The following RANBP17 variants were observed in gnomAD, a reference collection of about 807,000 sequenced individuals.
RANBP17 encodes the protein ran-binding protein 17.
RANBP17 carries 158 observed loss-of-function variants against 141.2 expected under a neutral mutation model. The observed-to-expected ratio is 1.12, with a 90% confidence interval of 0.98 to 1.28. The LOEUF (loss-of-function observed/expected upper bound fraction) is 1.28. Ranked by LOEUF, RANBP17 falls within the 50% of genes most tolerant of loss-of-function variation. The pLI, the probability that RANBP17 is intolerant of heterozygous loss-of-function variation, is 0.00. For missense variants in RANBP17, 1,438 were observed against 1,290.7 expected, an observed-to-expected ratio of 1.11 and a Z score of -1.75; for synonymous variants, 430 against 450.0, an observed-to-expected ratio of 0.96 and a Z score of 0.56.
intron 14 of RANBP17, among the ~76,000 whole-genome samples, chr5:171,002,580 G>A (rs569650820): frequency 1.3e-5 from 2 of 152,258 alleles, no homozygotes; most frequent in South Asian, 4.2e-4. Flanking sequence ...CATATTTAGA[G>A]TCAGTATAAA....
rs538892909 is a variant in RANBP17 at position 171,069,905 on chromosome 5, T to A, written c.1711-100225T>A. On this transcript the variant is annotated intron_variant, in intron 14 of 27. Transcript: ENST00000523189. ...CATAGGTAGGTTTGCTGTAGTGCTG[T>A]TGAAATCTAACCTTCTAAAAACGGT... Among the ~76,000 whole-genome samples the A allele has an allele frequency of 3.3e-5, 5 of 152,318 alleles. No homozygotes were observed. The South Asian group carries it at 8.3e-4, about 25-fold the overall frequency.
At chr5:171,195,328 C>A (rs1041524048) in intron 18 of RANBP17, among the ~76,000 whole-genome samples, 4 of 151,964 alleles carry the variant, frequency 2.6e-5, no homozygotes, top group Non-Finnish European at 5.9e-5. Context: ...CCTTTTGCAC[C>A]AGAAATAGTA....
At chr5:171,249,745 C>G (rs912869163) in intron 24 of RANBP17, among the ~76,000 whole-genome samples, 17 of 152,028 alleles carry the variant, frequency 1.1e-4, no homozygotes, top group Non-Finnish European at 2.9e-5. Flanking sequence ...AAAGAATGAA[C>G]CAAGCCTTCA....
rs756014763 is a variant in RANBP17 at position 170,924,511 on chromosome 5, C to A, written c.1429C>A (p.Pro477Thr). ...ACAGAATTACCAAAAACTTCTGCAT[C>A]CATATTCTGGTGTAACTGTGGACAT... ...NAQNYQKLLH[P>T]YSGVTVDITI... The change falls in exon 12 of 28, where the codon CCA becomes ACA. Residue 477 changes from proline (P) to threonine (T), a missense_variant. By Grantham distance (38) the Pro-to-Thr change is conservative (BLOSUM62 -1). Transcript: ENST00000523189. 1 of 1,610,982 alleles carries A rather than the reference C, an allele frequency of 6.2e-7. No individual in the cohort carries two copies. The highest frequency in any genetic ancestry group is 8.5e-7 in the Non-Finnish European group (1 of 1,177,932).
intron 14 of RANBP17, among the ~76,000 whole-genome samples, chr5:170,979,678 T>G (rs1473948758): frequency 2.0e-5 from 3 of 152,244 alleles, no homozygotes; most frequent in Non-Finnish European, 4.4e-5. Context: ...AAGATGTGAC[T>G]TGCTGCTCCT....
chr5:171,224,607 T>C (rs534649720), intron 22 of RANBP17, among the ~76,000 whole-genome samples: 41 of 152,126 alleles, frequency 2.7e-4, no homozygotes, highest in African/African-American at 9.9e-4. Flanking sequence ...AAAATAACTA[T>C]GTGAGGATTA....
At chr5:171,117,895 AT>A (rs1284694540) in intron 14 of RANBP17, among the ~76,000 whole-genome samples, 1 of 151,814 alleles carries the variant, frequency 6.6e-6, no homozygotes, top group Non-Finnish European at 1.5e-5. Context: ...TTCCTTGTAT[AT>A]TCTAGATATT....
rs368179071 is a variant in RANBP17 at position 171,092,046 on chromosome 5, A to G, written c.1711-78084A>G. Reference sequence around the variant, plus strand: ...CCAGAATACACTGAGGGACAACTGTACTATAGGTTTTTATGTTTAAATATT... The same window carrying G: ...CCAGAATACACTGAGGGACAACTGTGCTATAGGTTTTTATGTTTAAATATT... On this transcript the variant is annotated intron_variant, in intron 14 of 27. Transcript: ENST00000523189. 4.5e-4 allele frequency among the ~76,000 whole-genome samples: 68 copies of G among 152,320 alleles called. 2 individuals are homozygous for G. In the South Asian group the frequency reaches 0.013, roughly 30 times the overall value.
At chr5:170,937,291 C>T (rs1773961189) in intron 12 of RANBP17, among the ~76,000 whole-genome samples, 1 of 152,156 alleles carries the variant, frequency 6.6e-6, no homozygotes, top group Admixed American at 6.5e-5. Context: ...TCAAGTCAGA[C>T]AGGTTTCTGT....
At chr5:171,065,905 G>A (rs1351686288) in intron 14 of RANBP17, among the ~76,000 whole-genome samples, 1 of 151,868 alleles carries the variant, frequency 6.6e-6, no homozygotes, top group Non-Finnish European at 1.5e-5. Context: ...CTGTCGCCCA[G>A]ATTGAAGTGC....
chr5:170,981,912 G>A (rs1026364462), intron 14 of RANBP17, among the ~76,000 whole-genome samples: 1 of 152,166 alleles, frequency 6.6e-6, no homozygotes, highest in African/African-American at 2.4e-5. Context: ...GAATGCTGCA[G>A]TTCGGGGTGT....
intron 13 of RANBP17, among the ~76,000 whole-genome samples, chr5:170,954,965 G>A (rs1403063710): frequency 2.0e-5 from 3 of 152,134 alleles, no homozygotes; most frequent in Non-Finnish European, 4.4e-5. Context: ...CCTGAGCTCC[G>A]CCTCCTGTCA....
intron 14 of RANBP17, among the ~76,000 whole-genome samples, chr5:171,130,207 C>T (rs1756801463): frequency 6.6e-6 from 1 of 152,020 alleles, no homozygotes; most frequent in South Asian, 2.1e-4. Context: ...ATTCTTGGAA[C>T]ACTCTCCTCC....
rs776327450 is a variant in RANBP17 at position 171,298,861 on chromosome 5, C to T, written c.*3C>T. On this transcript the variant is annotated 3_prime_UTR_variant, in exon 28 of 28. Coordinates refer to ENST00000523189, the MANE Select transcript of RANBP17 (RefSeq NM_022897.5). ...GCAGTCTCGACATGATGAGCTGACC[C>T]GACTTTTCTGACCATGTGCGGAGCA... The T allele has an allele frequency of 1.3e-5, 21 of 1,612,662 alleles. No homozygotes were observed. Among genetic ancestry groups the T allele is most frequent in the Middle Eastern group, 1.6e-4 (1 of 6,082 alleles).
intron 14 of RANBP17, among the ~76,000 whole-genome samples, chr5:171,129,266 T>C (rs1756724107): frequency 6.6e-6 from 1 of 152,210 alleles, no homozygotes; most frequent in Non-Finnish European, 1.5e-5. Context: ...GAAATTACAG[T>C]GTAGATCAGT....
chr5:171,178,839 C>G (rs1760694671), intron 16 of RANBP17, among the ~76,000 whole-genome samples: 1 of 152,070 alleles, frequency 6.6e-6, no homozygotes, highest in Admixed American at 6.5e-5. Context: ...GTGTCTGTTC[C>G]TATCCGTCGC....
intron 14 of RANBP17, among the ~76,000 whole-genome samples, chr5:171,087,297 G>A (rs546392948): frequency 3.9e-5 from 6 of 152,188 alleles, no homozygotes; most frequent in Admixed American, 3.9e-4. Context: ...TTAATCCTGA[G>A]TTCTAGTTTG....
chr5:170,862,408 C>T (rs1307087591), intron 1 of RANBP17, among the ~76,000 whole-genome samples: 1 of 152,208 alleles, frequency 6.6e-6, no homozygotes, highest in African/African-American at 2.4e-5. Flanking sequence ...CCAGCTGGGC[C>T]GGCTTTGGCG....
At chr5:170,976,355 A>G (rs973849454) in intron 14 of RANBP17, among the ~76,000 whole-genome samples, 4 of 152,228 alleles carry the variant, frequency 2.6e-5, no homozygotes, top group Admixed American at 2.6e-4. Context: ...ATAACTGGAA[A>G]GATATCTTAT....
Sources: allele counts gnomAD v4.1 joint callset (sites outside exome capture counted in the v4.1 genomes callset), GRCh38; gene constraint gnomAD v4.1.1; transcripts MANE v1.5; gene names NCBI Gene and HGNC (gene_info 2026-07-23, HGNC 2026-07-21).